Variants in VOPP1 observed in about 807,000 individuals in gnomAD.
VOPP1 encodes WW domain binding protein VOPP1.
In VOPP1, 8 loss-of-function variants were observed where a neutral mutation model predicts 23.5. That is an observed-to-expected ratio of 0.34 (90% CI 0.20 to 0.61). The LOEUF (loss-of-function observed/expected upper bound fraction) is 0.61, where lower values mean the gene tolerates loss of function less well. Among genes scored for constraint, VOPP1 ranks in the 20% least tolerant of loss-of-function variants. The probability of loss-of-function intolerance (pLI) is 0.78; values close to 1 mark genes in which losing one functional copy is unlikely to be tolerated. For missense variants in VOPP1, 174 were observed against 238.1 expected, an observed-to-expected ratio of 0.73 and a Z score of 1.77; for synonymous variants, 83 against 97.3, an observed-to-expected ratio of 0.85 and a Z score of 0.86.
intron 4 of VOPP1, among the ~76,000 whole-genome samples, chr7:55,451,757 C>T (rs1318085259): frequency 6.6e-6 from 1 of 152,242 alleles, no homozygotes; most frequent in Non-Finnish European, 1.5e-5. Context: ...TGCCGCTGCA[C>T]TCCAGCCTGG....
chr7:55,458,261 C>T (rs1378355838), intron 4 of VOPP1, among the ~76,000 whole-genome samples: 1 of 152,078 alleles, frequency 6.6e-6, no homozygotes, highest in African/African-American at 2.4e-5. Flanking sequence ...TCTGGGTTTT[C>T]TATTCTGTTC....
intron 1 of VOPP1, among the ~76,000 whole-genome samples, chr7:55,556,991 ATGT>A (rs1797832852): frequency 6.6e-6 from 1 of 152,188 alleles, no homozygotes; most frequent in South Asian, 2.1e-4. Context: ...TGTATGAATA[ATGT>A]TGTAATCCTG....
chr7:55,476,485 G>A (rs949216321), intron 4 of VOPP1, among the ~76,000 whole-genome samples: 4 of 152,104 alleles, frequency 2.6e-5, no homozygotes, highest in Non-Finnish European at 4.4e-5. Flanking sequence ...AAAGAGTCCG[G>A]CAGGCCGCAG....
chr7:55,539,899 GCACACA>G (rs60831624), intron 1 of VOPP1, among the ~76,000 whole-genome samples: 1,832 of 139,292 alleles, frequency 0.013, 22 homozygotes, highest in African/African-American at 0.028. Context: ...CATAAGCGCT[GCACACA>G]CACACACACA....
intron 1 of VOPP1, chr7:55,561,748 C>CA (rs372739310): frequency 0.2 from 61,029 of 299,142 alleles, 2,346 homozygotes; most frequent in African/African-American, 0.26. Context: ...TCCCCTCTTC[C>CA]AAAAAAAAAA....
intron 1 of VOPP1, chr7:55,538,628 A>G (rs1444439910): frequency 6.5e-7 from 1 of 1,535,940 alleles, no homozygotes; most frequent in African/African-American, 1.4e-5. Flanking sequence ...AGAGCACAGA[A>G]GACAGATACC....
rs76838774 is a variant in VOPP1, at chr7:55,440,989, A to G, written n.418-4815T>C. Among the ~76,000 whole-genome samples the G allele has an allele frequency of 7.1e-3, 1,086 of 152,170 alleles. 26 individuals are homozygous for G. The East Asian group carries it at 0.079, about 11-fold the overall frequency. ...ACCCGGATGACTCTGCTTTTCTGAA[A>G]TTTTCTCGCATGGAATTATTTTGCT... On this transcript the variant is annotated intron_variant and non_coding_transcript_variant, in intron 4 of 4. Transcript: ENST00000462326.
chr7:55,570,809 G>T (rs909882510), intron 1 of VOPP1, among the ~76,000 whole-genome samples: 17 of 152,096 alleles, frequency 1.1e-4, no homozygotes, highest in Non-Finnish European at 1.2e-4. Context: ...GGGCATAGTG[G>T]TGGGCGCCTG....
chr7:55,528,016 A>G lies in VOPP1; in HGVS notation c.55-6886T>C, dbSNP rs76211865. 5.3e-3 allele frequency among the ~76,000 whole-genome samples: 800 copies of G among 152,334 alleles called. 9 individuals carry two copies. The highest frequency in any genetic ancestry group is 0.018 in the African/African-American group (768 of 41,590). On this transcript the variant is annotated intron_variant, in intron 1 of 4. Coordinates refer to ENST00000285279, the MANE Select transcript of VOPP1 (RefSeq NM_030796.5). ...AGACAATTTTTCAATATATATCAAA[A>G]ATCTTTAAAATGTATGTAATTTCAG...
intron 1 of VOPP1, among the ~76,000 whole-genome samples, chr7:55,562,782 G>A (rs1453536324): frequency 6.6e-6 from 1 of 152,194 alleles, no homozygotes; most frequent in Non-Finnish European, 1.5e-5. Flanking sequence ...GCAAGGTGGA[G>A]GCCTAGTGAG....
chr7:55,531,655 G>A (rs1310297546), intron 1 of VOPP1, among the ~76,000 whole-genome samples: 1 of 152,008 alleles, frequency 6.6e-6, no homozygotes, highest in Non-Finnish European at 1.5e-5. Flanking sequence ...CCCAGAAAAA[G>A]TCATCTTTTT....
chr7:55,497,289 TTCA>T (rs1794021512), intron 3 of VOPP1, among the ~76,000 whole-genome samples: 1 of 152,246 alleles, frequency 6.6e-6, no homozygotes, highest in Non-Finnish European at 1.5e-5. Flanking sequence ...TTTCTGATTC[TTCA>T]AGACAATCAG....
At chr7:55,475,500 G>A (rs560946388) in intron 4 of VOPP1, among the ~76,000 whole-genome samples, 12 of 152,218 alleles carry the variant, frequency 7.9e-5, no homozygotes, top group Non-Finnish European at 1.6e-4. Context: ...GACGAAGGGA[G>A]CAGTGCGTTA....
chr7:55,443,960 C>T (rs553155803), intron 4 of VOPP1, among the ~76,000 whole-genome samples: 1 of 152,186 alleles, frequency 6.6e-6, no homozygotes, highest in African/African-American at 2.4e-5. Context: ...ATTTTTAATT[C>T]AGATTGATAT....
chr7:55,562,976 C>T lies in VOPP1; in HGVS notation c.54+9295G>A, dbSNP rs568635802. Among the ~76,000 whole-genome samples the T allele has an allele frequency of 4.6e-5, 7 of 152,330 alleles. No individual in the cohort carries two copies. In the South Asian group the frequency reaches 1.4e-3, roughly 32 times the overall value. On this transcript the variant is annotated intron_variant, in intron 1 of 4. Coordinates refer to ENST00000285279, the MANE Select transcript of VOPP1 (RefSeq NM_030796.5). ...GTTCAACATGAAACTTTTTCCATTTCCATCAGTTATACATGCCCTAACTTG... is the reference window on the plus strand; with the variant it reads ...GTTCAACATGAAACTTTTTCCATTTTCATCAGTTATACATGCCCTAACTTG...
At chr7:55,449,120 A>T (rs1791175935) in intron 4 of VOPP1, among the ~76,000 whole-genome samples, 1 of 152,218 alleles carries the variant, frequency 6.6e-6, no homozygotes, top group Non-Finnish European at 1.5e-5. Flanking sequence ...ATAATTAGAT[A>T]AAAAATAAAG....
At chr7:55,438,661 C>G (rs1451064127) in intron 4 of VOPP1, among the ~76,000 whole-genome samples, 1 of 152,170 alleles carries the variant, frequency 6.6e-6, no homozygotes, top group African/African-American at 2.4e-5. Flanking sequence ...GGAGAAGGCA[C>G]AGAGGCTTTG....
At chr7:55,475,884 G>A (rs576472746) in intron 4 of VOPP1, among the ~76,000 whole-genome samples, 1 of 152,352 alleles carries the variant, frequency 6.6e-6, no homozygotes, top group East Asian at 1.9e-4. Flanking sequence ...TGGGGATTGG[G>A]TGGGAGAACA....
chr7:55,568,375 T>C (rs867542859), intron 1 of VOPP1, among the ~76,000 whole-genome samples: 1 of 152,218 alleles, frequency 6.6e-6, no homozygotes, highest in Admixed American at 6.5e-5. Flanking sequence ...GCACCCAGCC[T>C]GACAACTGTT....
Sources: allele counts gnomAD v4.1 joint callset (sites outside exome capture counted in the v4.1 genomes callset), GRCh38; gene constraint gnomAD v4.1.1; transcripts MANE v1.5; gene names NCBI Gene and HGNC (gene_info 2026-07-23, HGNC 2026-07-21).